Variants in FRMPD4 observed in about 807,000 individuals in gnomAD.
The protein encoded by FRMPD4 is FERM and PDZ domain-containing protein 4.
A neutral mutation model predicts 94.1 loss-of-function variants in FRMPD4; 22 were observed. The ratio of observed to expected loss-of-function variants is 0.23; its 90% confidence interval spans 0.17 to 0.33. The LOEUF is 0.33. Ranked by LOEUF, FRMPD4 falls within the 10% of genes least tolerant of loss-of-function variation. The pLI, the probability that FRMPD4 is intolerant of heterozygous loss-of-function variation, is 1.00. For missense variants in FRMPD4, 1,111 were observed against 1,339.9 expected (o/e 0.83, Z 2.67); for synonymous variants, 631 against 548.6 (o/e 1.15, Z -2.10).
chrX:12,489,903 G>GA (rs2057775365), intron 1 of FRMPD4, among the ~76,000 whole-genome samples: 1 of 111,605 alleles, frequency 9.0e-6, no homozygotes, highest in African/African-American at 3.3e-5. Flanking sequence ...GGTGAGCCAT[G>GA]ATGCCTGCCT....
rs967665583 is a variant in FRMPD4 at position 11,943,145 on chromosome X, T to A, written c.95+65127T>A. On this transcript the variant is annotated intron_variant, in intron 3 of 18. Coordinates refer to the FRMPD4 transcript ENST00000640291. The stretch of plus-strand genomic sequence containing the variant: ...TATTGAACAGAAATGAGCGTTGGAA[T>A]ACCTAGGTACTATAGATGAGAGCCT... 4.5e-5 allele frequency among the ~76,000 whole-genome samples: 5 copies of A among 111,789 alleles called. No homozygotes were observed. In the Admixed American group the frequency reaches 4.7e-4, roughly 11 times the overall value.
At chrX:12,085,783 C>T (rs766905677) in intron 3 of FRMPD4, among the ~76,000 whole-genome samples, 1 of 111,001 alleles carries the variant, frequency 9.0e-6, no homozygotes, top group East Asian at 2.8e-4. Context: ...GTGGGAGGAT[C>T]ACTGAAGCCC....
At chrX:12,380,596 G>A (rs980293332) in intron 1 of FRMPD4, among the ~76,000 whole-genome samples, 4 of 112,028 alleles carry the variant, frequency 3.6e-5, no homozygotes, top group African/African-American at 9.7e-5. Context: ...ACCCGTGAAA[G>A]GTGTCCAGAG....
chrX:12,418,439 A>G (rs1277586382), intron 1 of FRMPD4, among the ~76,000 whole-genome samples: 1 of 103,387 alleles, frequency 9.7e-6, no homozygotes, highest in Non-Finnish European at 2.0e-5. Flanking sequence ...GCTCACTGCA[A>G]CCTCCACCTC....
At chrX:11,984,378 T>A (rs888538738) in intron 3 of FRMPD4, among the ~76,000 whole-genome samples, 1 of 112,428 alleles carries the variant, frequency 8.9e-6, no homozygotes, top group East Asian at 2.8e-4. Context: ...GCTTTGATTG[T>A]ACTGTGTCTT....
chrX:12,522,483 A>T (rs973326849), intron 2 of FRMPD4, among the ~76,000 whole-genome samples: 2 of 111,291 alleles, frequency 1.8e-5, no homozygotes, highest in African/African-American at 6.5e-5. Context: ...TAGAGGACTT[A>T]GTTGTCTAGC....
At chrX:12,234,098 C>G (rs1019591062) in intron 1 of FRMPD4, among the ~76,000 whole-genome samples, 22 of 111,136 alleles carry the variant, frequency 2.0e-4, no homozygotes, top group African/African-American at 7.2e-4. Flanking sequence ...CCAGCACGAG[C>G]AAAAATGGAC....
At chrX:12,557,575 G>A (rs2058609135) in intron 2 of FRMPD4, among the ~76,000 whole-genome samples, 1 of 112,235 alleles carries the variant, frequency 8.9e-6, no homozygotes, top group African/African-American at 3.2e-5. Context: ...TCCCTCTTGG[G>A]TTTCCCAAAA....
chrX:11,913,655 AATATATT>A (rs979480158), intron 3 of FRMPD4, among the ~76,000 whole-genome samples: 2 of 111,649 alleles, frequency 1.8e-5, no homozygotes, highest in African/African-American at 6.5e-5. Flanking sequence ...AAAAATTCCA[AATATATT>A]ATATATGTTT....
intron 3 of FRMPD4, among the ~76,000 whole-genome samples, chrX:11,963,396 A>G (rs949815293): frequency 1.8e-5 from 2 of 112,535 alleles, no homozygotes; most frequent in African/African-American, 6.5e-5. Context: ...ATAAATTAGT[A>G]GATTTCAGTC....
At chrX:11,907,262 C>T (rs1462115657) in intron 3 of FRMPD4, among the ~76,000 whole-genome samples, 1 of 110,352 alleles carries the variant, frequency 9.1e-6, no homozygotes, top group Non-Finnish European at 1.9e-5. Context: ...TAACTGGACC[C>T]ACTCAGAGTC....
At chrX:12,421,520 G>T (rs970807557) in intron 1 of FRMPD4, among the ~76,000 whole-genome samples, 7 of 111,123 alleles carry the variant, frequency 6.3e-5, no homozygotes, top group Non-Finnish European at 1.3e-4. Flanking sequence ...CACTTTGGGA[G>T]GTCAAGGCAG....
intron 14 of FRMPD4, 71 bp from the exon 15 acceptor site, chrX:12,715,998 G>GCCGGGGCCCCCCCC: frequency 5.2e-6 from 2 of 383,858 alleles, no homozygotes; most frequent in East Asian, 4.2e-5. Flanking sequence ...ACAGAGACGA[G>GCCGGGGCCCCCCCC]CCTCCCACCC....
intron 1 of FRMPD4, among the ~76,000 whole-genome samples, chrX:12,141,182 C>T (rs1256784725): frequency 8.9e-6 from 1 of 112,008 alleles, no homozygotes; most frequent in Admixed American, 9.5e-5. Context: ...AGTGCTTATA[C>T]TGCAGGATTT....
intron 3 of FRMPD4, among the ~76,000 whole-genome samples, chrX:12,084,168 G>A (rs969292076): frequency 4.0e-4 from 30 of 75,152 alleles, no homozygotes; most frequent in African/African-American, 1.3e-3. Flanking sequence ...TGTTATGGGA[G>A]GGACCCAGTG....
chrX:12,643,460 C>T (rs2059518467), intron 4 of FRMPD4, among the ~76,000 whole-genome samples: 1 of 111,342 alleles, frequency 9.0e-6, no homozygotes, highest in African/African-American at 3.3e-5. Context: ...TCACCCTGGC[C>T]GTGCTACATG....
At chrX:12,615,556 A>T (rs2059228001) in intron 4 of FRMPD4, among the ~76,000 whole-genome samples, 1 of 111,702 alleles carries the variant, frequency 9.0e-6, no homozygotes, top group Non-Finnish European at 1.9e-5. Flanking sequence ...AAGGGAAAAG[A>T]GTTCTTTAGA....
At chrX:12,245,053 A>C (rs2053935298) in intron 1 of FRMPD4, among the ~76,000 whole-genome samples, 1 of 112,741 alleles carries the variant, frequency 8.9e-6, no homozygotes, top group Non-Finnish European at 1.9e-5. Context: ...CACATGTTTG[A>C]TTTAACAGAT....
chrX:11,927,423 G>T (rs976547050), intron 3 of FRMPD4, among the ~76,000 whole-genome samples: 2 of 111,693 alleles, frequency 1.8e-5, no homozygotes, highest in African/African-American at 6.5e-5. Context: ...GAACCAAAAA[G>T]GAGCCTGAAT....
Sources: gnomAD v4.1 joint callset for allele counts (sites outside exome capture counted in the v4.1 genomes callset) on GRCh38, gnomAD v4.1.1 for gene constraint, MANE v1.5 for transcripts, NCBI Gene and HGNC (gene_info 2026-07-23, HGNC 2026-07-21) for gene names.